Variants in BORCS5 observed in about 807,000 individuals in gnomAD.
The protein encoded by BORCS5 is BLOC-1 related complex subunit 5.
In BORCS5, 17 loss-of-function variants were observed where a neutral mutation model predicts 22.1. That is an observed-to-expected ratio of 0.77 (90% CI 0.53 to 1.15). The LOEUF is 1.15. Among genes scored for constraint, BORCS5 ranks in the 50% most tolerant of loss-of-function variants. The pLI is 0.00. For synonymous variants in BORCS5, 117 were observed against 99.8 expected (o/e 1.17, Z -1.03); for missense variants, 247 against 253.2 (o/e 0.98, Z 0.17).
intron 2 of BORCS5, among the ~76,000 whole-genome samples, chr12:12,427,250 G>T (rs56915387): frequency 7.1e-6 from 1 of 140,304 alleles, no homozygotes; most frequent in African/African-American, 2.6e-5. Context: ...GCACAATCTC[G>T]GCTCACTGCA....
Position 12,357,610 on chromosome 12 carries a change from A to G in BORCS5, c.58+101A>G, listed in dbSNP as rs1592045120. ...TCAGGGACTGCGGACGGGAACGCAC[A>G]GAAAAAGCCTTCACCGTGCTAGTAG... On this transcript the variant is annotated intron_variant, in intron 1 of 3. Transcript: ENST00000314565. The G allele has an allele frequency of 2.3e-6, 3 of 1,291,820 alleles. No homozygotes were observed. The African/African-American group carries it at 4.6e-5, about 20-fold the overall frequency. The allele number at this position is 1,291,820 out of a possible 1,614,324, so 80.0% of individuals were successfully genotyped here. A position where few individuals can be genotyped will look rare whatever the true frequency, so the allele number is the denominator to read the frequency against.
intron 2 of BORCS5, among the ~76,000 whole-genome samples, chr12:12,426,352 A>G (rs951595141): frequency 6.6e-6 from 1 of 152,248 alleles, no homozygotes; most frequent in African/African-American, 2.4e-5. Flanking sequence ...ACTACAGCCT[A>G]TTCCATTTTA....
intron 2 of BORCS5, among the ~76,000 whole-genome samples, chr12:12,421,694 G>A (rs1942125705): frequency 6.6e-6 from 1 of 152,060 alleles, no homozygotes; most frequent in Non-Finnish European, 1.5e-5. Context: ...ACTTTTTTTG[G>A]TTGGTAGGCT....
At chr12:12,363,312 AAAG>A (rs913442378) in intron 2 of BORCS5, among the ~76,000 whole-genome samples, 1 of 151,656 alleles carries the variant, frequency 6.6e-6, no homozygotes, top group African/African-American at 2.4e-5. Flanking sequence ...AAAAAAAAAA[AAAG>A]CCGGCCAGGC....
At chr12:12,462,147 G>C (rs1272327642) in intron 3 of BORCS5, among the ~76,000 whole-genome samples, 1 of 152,192 alleles carries the variant, frequency 6.6e-6, no homozygotes, top group Non-Finnish European at 1.5e-5. Context: ...CTCAATAACT[G>C]TCTGTTGCCT....
rs145570342 is a variant in BORCS5 at position 12,453,941 on chromosome 12, C to T, written c.361-11605C>T. 7.9e-5 allele frequency among the ~76,000 whole-genome samples: 12 copies of T among 152,174 alleles called. No individual in the cohort carries two copies. The East Asian group carries it at 2.3e-3, about 29-fold the overall frequency. ...TAAAGGGAATCATGTGATATGTGGC[C>T]CTTGTGTCTGGTTTCTTTTACTTAG... is the stretch of plus-strand genomic sequence containing the variant. On this transcript the variant is annotated intron_variant, in intron 3 of 3. Coordinates refer to ENST00000314565, the MANE Select transcript of BORCS5 (RefSeq NM_058169.6).
At chr12:12,465,404 T>A (rs1468774911) in intron 3 of BORCS5, 142 bp from the exon 4 acceptor site, 1 of 691,756 alleles carries the variant, frequency 1.4e-6, no homozygotes, top group African/African-American at 1.8e-5. Context: ...CCTGAAGGGC[T>A]TTTTAGCCCT....
chr12:12,411,403 G>C (rs371074821), intron 2 of BORCS5, among the ~76,000 whole-genome samples: 1 of 151,922 alleles, frequency 6.6e-6, no homozygotes, highest in Non-Finnish European at 1.5e-5. Flanking sequence ...GAGAAATGTC[G>C]GTTCAAGTCC....
intron 3 of BORCS5, among the ~76,000 whole-genome samples, chr12:12,457,597 G>A (rs984664601): frequency 2.0e-5 from 3 of 152,156 alleles, no homozygotes; most frequent in Non-Finnish European, 4.4e-5. Context: ...TGAACCCCGG[G>A]GGGCAGAGCC....
intron 2 of BORCS5, among the ~76,000 whole-genome samples, chr12:12,371,913 AG>A (rs1460179992): frequency 6.6e-6 from 1 of 151,814 alleles, no homozygotes; most frequent in African/African-American, 2.4e-5. Context: ...ATCTCATCCA[AG>A]GTGTTCTTAA....
chr12:12,464,028 G>C (rs1362880311), intron 3 of BORCS5, among the ~76,000 whole-genome samples: 2 of 152,132 alleles, frequency 1.3e-5, no homozygotes, highest in Admixed American at 6.5e-5. Context: ...GGTGTGTGGA[G>C]TGTTTCTCAG....
chr12:12,357,287 GC>G lies in BORCS5; in HGVS notation c.-161del. The G allele has an allele frequency of 6.9e-7, 1 of 1,455,396 alleles. No homozygotes were observed. Among genetic ancestry groups the G allele is most frequent in the East Asian group, 2.5e-5 (1 of 39,964 alleles). 90.2% of individuals were successfully genotyped at this position (1,455,396 alleles called of 1,614,324 possible). A position where few individuals can be genotyped will look rare whatever the true frequency, so the allele number is the denominator to read the frequency against. On this transcript the variant is annotated 5_prime_UTR_variant, in exon 1 of 4. Coordinates refer to ENST00000314565, the MANE Select transcript of BORCS5 (RefSeq NM_058169.6). ...GGCCTCTCCTTCTCCCGCCGCCCAG[GC>G]CCCTGCGTGGGCTGGACGCGTCAGC...
chr12:12,391,070 C>T (rs931184196), intron 2 of BORCS5, among the ~76,000 whole-genome samples: 3 of 152,018 alleles, frequency 2.0e-5, no homozygotes, highest in African/African-American at 7.3e-5. Flanking sequence ...CGCTTGTTCT[C>T]TTTTAAAGTA....
In BORCS5 at chr12:12,357,487, A is replaced by G. The variant is rs974195462; in HGVS notation, c.36A>G (p.Arg12=). The change falls in exon 1 of 4, where the codon CGA becomes CGG. Residue 12 remains arginine, a synonymous_variant. Transcript: ENST00000314565. ...GSEQSSEAES[R]PNDLNSSVTP... The stretch of plus-strand genomic sequence containing the variant: ...AGCAGAGCTCCGAGGCCGAGAGCCG[A>G]CCCAACGATCTGAACTCCTCAGGTC... 1.4e-5 allele frequency: 23 copies of G among 1,610,730 alleles called. No homozygotes were observed. The highest frequency in any genetic ancestry group is 1.9e-5 in the Non-Finnish European group (22 of 1,177,554).
intron 2 of BORCS5, among the ~76,000 whole-genome samples, chr12:12,389,234 T>G (rs1863948721): frequency 6.8e-6 from 1 of 148,050 alleles, no homozygotes; most frequent in Admixed American, 6.8e-5. Context: ...GCCTCCCAGG[T>G]TCAAGGGATT....
chr12:12,418,023 T>C (rs1258885336), intron 2 of BORCS5, among the ~76,000 whole-genome samples: 1 of 113,758 alleles, frequency 8.8e-6, no homozygotes, highest in Non-Finnish European at 1.8e-5. Context: ...TTTATTTATT[T>C]ATTTATTTAT....
chr12:12,430,951 C>T (rs1036922700), intron 2 of BORCS5, among the ~76,000 whole-genome samples: 3 of 151,836 alleles, frequency 2.0e-5, no homozygotes, highest in Non-Finnish European at 4.4e-5. Flanking sequence ...ATAGATATAC[C>T]CTGATTTAAT....
intron 2 of BORCS5, among the ~76,000 whole-genome samples, chr12:12,415,497 G>A (rs2136095431): frequency 7.1e-6 from 1 of 141,660 alleles, no homozygotes; most frequent in African/African-American, 2.7e-5. Flanking sequence ...CGAGATGGCA[G>A]CAGTACTGTC....
At chr12:12,435,806 A>G (rs1175754263) in intron 3 of BORCS5, 21 bp downstream of exon 3, 2 of 1,601,420 alleles carry the variant, frequency 1.2e-6, no homozygotes, top group South Asian at 2.2e-5. Flanking sequence ...GCGGGAAAAT[A>G]ACATTGCTGA....
Sources: gnomAD v4.1 joint callset for allele counts (sites outside exome capture counted in the v4.1 genomes callset) on GRCh38, gnomAD v4.1.1 for gene constraint, MANE v1.5 for transcripts, NCBI Gene and HGNC (gene_info 2026-07-23, HGNC 2026-07-21) for gene names.